The following MKLN1 variants were observed in gnomAD, a reference collection of about 807,000 sequenced individuals.
MKLN1 encodes the protein muskelin 1.
A neutral mutation model predicts 99.0 loss-of-function variants in MKLN1; 18 were observed. The ratio of observed to expected loss-of-function variants is 0.18; its 90% CI spans 0.13 to 0.27. The LOEUF (loss-of-function observed/expected upper bound fraction) is 0.27. MKLN1 is among the 10% of genes least tolerant of loss of function. The probability of loss-of-function intolerance (pLI) is 1.00; values close to 1 mark genes in which losing one functional copy is unlikely to be tolerated. For missense variants in MKLN1, 621 were observed against 875.9 expected (o/e 0.71, Z 3.67); for synonymous variants, 288 against 293.2 (o/e 0.98, Z 0.18).
At chr7:131,391,459 A>G (rs765755588) in intron 4 of MKLN1, among the ~76,000 whole-genome samples, 1 of 152,214 alleles carries the variant, frequency 6.6e-6, no homozygotes, top group Non-Finnish European at 1.5e-5. Context: ...ACATGTAACT[A>G]TAATAATTTT....
intron 1 of MKLN1, among the ~76,000 whole-genome samples, chr7:131,138,309 A>G (rs1039532355): frequency 6.6e-6 from 1 of 152,188 alleles, no homozygotes; most frequent in Non-Finnish European, 1.5e-5. Context: ...CACAAGGTAC[A>G]CCTTAATAAA....
chr7:131,252,502 T>G (rs977931798), intron 3 of MKLN1, among the ~76,000 whole-genome samples: 3 of 151,992 alleles, frequency 2.0e-5, no homozygotes, highest in African/African-American at 7.3e-5. Flanking sequence ...CTAATTTTTT[T>G]GTATTTTTAG....
chr7:131,339,594 G>A (rs1799346654), intron 1 of MKLN1, among the ~76,000 whole-genome samples: 1 of 152,020 alleles, frequency 6.6e-6, no homozygotes, highest in South Asian at 2.1e-4. Flanking sequence ...AGCTGTTTGG[G>A]AGGCTGAGGC....
At chr7:131,207,894 A>G (rs1265689557) in intron 3 of MKLN1, among the ~76,000 whole-genome samples, 2 of 152,266 alleles carry the variant, frequency 1.3e-5, no homozygotes, top group Non-Finnish European at 2.9e-5. Context: ...AAGAACATAT[A>G]TAGAAATATG....
chr7:131,254,127 A>C (rs1288118306), intron 3 of MKLN1, among the ~76,000 whole-genome samples: 1 of 152,236 alleles, frequency 6.6e-6, no homozygotes, highest in Non-Finnish European at 1.5e-5. Flanking sequence ...GAGCAGGGAA[A>C]GAGACAGTCA....
At chr7:131,424,980 C>T (rs946093493) in intron 8 of MKLN1, among the ~76,000 whole-genome samples, 12 of 152,228 alleles carry the variant, frequency 7.9e-5, no homozygotes, top group Non-Finnish European at 2.9e-5. Context: ...TTAACCTCCT[C>T]TCCACCTCCT....
In MKLN1 at chr7:131,449,659, TC is replaced by T. The variant is rs137974135; in HGVS notation, c.1525+3760del. 2.6e-4 allele frequency among the ~76,000 whole-genome samples: 39 copies of T among 151,834 alleles called. No individual in the cohort carries two copies. The East Asian group carries it at 5.8e-3, about 23-fold the overall frequency. The stretch of plus-strand genomic sequence containing the variant: ...TATTCTCTTTTTTTCTGTTTTTTTT[TC>T]CCCTCATCTCTGCCTCTCTCACTTT... On this transcript the variant is annotated intron_variant, in intron 12 of 17. Coordinates refer to ENST00000352689, the MANE Select transcript of MKLN1 (RefSeq NM_013255.5).
chr7:131,465,386 A>G (rs1174760717), intron 14 of MKLN1, among the ~76,000 whole-genome samples: 3 of 152,224 alleles, frequency 2.0e-5, no homozygotes, highest in Non-Finnish European at 2.9e-5. Flanking sequence ...TCTGAGGAAC[A>G]GATAATTGAT....
chr7:131,417,308 A>T (rs879414646), intron 8 of MKLN1, among the ~76,000 whole-genome samples: 6 of 152,216 alleles, frequency 3.9e-5, no homozygotes, highest in Non-Finnish European at 7.3e-5. Context: ...TCCTGTTAGT[A>T]GATATTTTAG....
rs548982371 is a variant in MKLN1, at chr7:131,314,845, C to T, written c.-178-60579C>T. Among the ~76,000 whole-genome samples, 5 of 152,150 alleles carry T rather than the reference C, an allele frequency of 3.3e-5. No homozygotes were observed. The South Asian group carries it at 1.0e-3, about 32-fold the overall frequency. On this transcript the variant is annotated intron_variant, in intron 3 of 7. Coordinates refer to the MKLN1 transcript ENST00000416992. ...AGTGCGGTGTGACATGATTACAGTTCATCTAGCCTTGACACATTCTGGGCT... is the reference window on the plus strand; with the variant it reads ...AGTGCGGTGTGACATGATTACAGTTTATCTAGCCTTGACACATTCTGGGCT...
chr7:131,495,679 T>A lies in MKLN1; in HGVS notation c.*7951T>A, dbSNP rs1300226762. On this transcript the variant is annotated 3_prime_UTR_variant, in exon 18 of 18. Coordinates refer to ENST00000352689, the MANE Select transcript of MKLN1 (RefSeq NM_013255.5). ...GCTGGAAGCATATGTCCCCCCACCC[T>A]TATTTATATTCCTTTGAGCATTGCC... 1 of 152,166 alleles carries A rather than the reference T, an allele frequency of 6.6e-6. No individual in the cohort carries two copies. Among genetic ancestry groups the A allele is most frequent in the Non-Finnish European group, 1.5e-5 (1 of 68,030 alleles). The allele number at this position is 152,166 out of a possible 1,614,324, so 9.4% of individuals were successfully genotyped here.
At chr7:131,132,560 A>G (rs1202660993) in intron 1 of MKLN1, among the ~76,000 whole-genome samples, 1 of 152,212 alleles carries the variant, frequency 6.6e-6, no homozygotes, top group Non-Finnish European at 1.5e-5. Context: ...TATGGAAAAA[A>G]GTCTTCTTAT....
chr7:131,342,251 C>A, intron 1 of MKLN1, among the ~76,000 whole-genome samples: 1 of 151,572 alleles, frequency 6.6e-6, no homozygotes, highest in East Asian at 1.9e-4. Context: ...GGGATTAGAT[C>A]GCAAATTGCT....
chr7:131,388,992 A>G lies in MKLN1; in HGVS notation c.400+20A>G. 1 of 1,505,898 alleles carries G rather than the reference A, an allele frequency of 6.6e-7. No individual in the cohort carries two copies. The highest frequency in any genetic ancestry group is 9.2e-7 in the Non-Finnish European group (1 of 1,091,866). The allele number at this position is 1,505,898 out of a possible 1,614,324, so 93.3% of individuals were successfully genotyped here. On this transcript the variant is annotated intron_variant, in intron 4 of 17. Coordinates refer to ENST00000352689, the MANE Select transcript of MKLN1 (RefSeq NM_013255.5). ...AAATAGGTAAGATTTTAGCATTCTG[A>G]AATAGAAACAAATTCTTGATATCAT...
rs982582089 is a variant in MKLN1 at position 131,393,607 on chromosome 7, A to C, written c.401-3660A>C. 1.4e-4 allele frequency among the ~76,000 whole-genome samples: 21 copies of C among 151,354 alleles called. 1 individual carries two copies. The highest frequency in any genetic ancestry group is 1.5e-4 in the Non-Finnish European group (10 of 67,986). Reference sequence around the variant, plus strand: ...TTAAATTTCACTGCAAGTGTTTTAAAAGGTTTTTGTTTTGTTTTGTTTTGT... The same window carrying C: ...TTAAATTTCACTGCAAGTGTTTTAACAGGTTTTTGTTTTGTTTTGTTTTGT... On this transcript the variant is annotated intron_variant, in intron 4 of 17. Transcript: ENST00000352689.
rs771953994 is a variant in MKLN1, at chr7:131,429,028, C to T, written c.848-5C>T. 6 of 1,605,898 alleles carry T rather than the reference C, an allele frequency of 3.7e-6. No homozygotes were observed. The highest frequency in any genetic ancestry group is 5.1e-6 in the Non-Finnish European group (6 of 1,174,208). On this transcript the variant is annotated splice_polypyrimidine_tract_variant and splice_region_variant and intron_variant, in intron 8 of 17. Transcript: ENST00000352689. Reference sequence around the variant, plus strand: ...TTTTTACACATATTTTTCTGATTTTCATAGAGACTGTTTATTTGTTTGGTG... The same window carrying T: ...TTTTTACACATATTTTTCTGATTTTTATAGAGACTGTTTATTTGTTTGGTG...
At chr7:131,186,174 G>A (rs1362065143) in intron 2 of MKLN1, among the ~76,000 whole-genome samples, 1 of 151,296 alleles carries the variant, frequency 6.6e-6, no homozygotes, top group East Asian at 1.9e-4. Context: ...CTGGGTGACA[G>A]AATAAGACTC....
intron 3 of MKLN1, among the ~76,000 whole-genome samples, chr7:131,275,673 C>T (rs1364386427): frequency 2.1e-5 from 3 of 146,178 alleles, no homozygotes; most frequent in African/African-American, 2.5e-5. Context: ...TCAAGTGATC[C>T]GCCTGCCTTG....
intron 1 of MKLN1, 181 bp downstream of exon 1, chr7:131,328,178 GT>G: frequency 1.3e-6 from 1 of 760,320 alleles, no homozygotes; most frequent in Non-Finnish European, 2.1e-6. Context: ...TCGGGAAGGG[GT>G]TAGGGTCCGG....
Sources: allele counts gnomAD v4.1 joint callset (sites outside exome capture counted in the v4.1 genomes callset), GRCh38; gene constraint gnomAD v4.1.1; transcripts MANE v1.5; gene names NCBI Gene and HGNC (gene_info 2026-07-23, HGNC 2026-07-21).